Variants in KPNB1 observed in about 807,000 individuals in gnomAD.
KPNB1 encodes the protein karyopherin subunit beta 1.
A neutral mutation model predicts 113.0 loss-of-function variants in KPNB1; 7 were observed. That is an observed-to-expected ratio of 0.06 (90% CI 0.04 to 0.12). KPNB1 has a LOEUF of 0.12. Ranked by LOEUF, KPNB1 falls within the 10% of genes least tolerant of loss-of-function variation. The pLI is 1.00. For missense variants in KPNB1, 400 were observed against 1,054.8 expected (o/e 0.38, Z 8.60); for synonymous variants, 363 against 378.6 (o/e 0.96, Z 0.48).
intron 5 of KPNB1, 90 bp downstream of exon 5, chr17:47,658,750 G>A: frequency 8.8e-7 from 1 of 1,137,360 alleles, no homozygotes; most frequent in Non-Finnish European, 1.3e-6. Flanking sequence ...TTAAGTTTAT[G>A]GTTTAGAAAG....
At position 47,657,070 on chromosome 17, in the gene KPNB1, T is replaced by G. The variant is rs779424643; in HGVS notation, c.483+10T>G. ...TATTTGCCAAGATATAGTAAGTGCTTGCCTAATGTATCTGGTTTATATACC... is the reference window on the plus strand; with the variant it reads ...TATTTGCCAAGATATAGTAAGTGCTGGCCTAATGTATCTGGTTTATATACC... On this transcript the variant is annotated intron_variant, in intron 4 of 21. Coordinates refer to ENST00000290158, the MANE Select transcript of KPNB1 (RefSeq NM_002265.6). 2.5e-6 allele frequency: 4 copies of G among 1,610,220 alleles called. No individual in the cohort carries two copies. Among genetic ancestry groups the G allele is most frequent in the Non-Finnish European group, 3.4e-6 (4 of 1,177,294 alleles).
chr17:47,668,236 G>A lies in KPNB1; in HGVS notation c.1050G>A (p.Val350=). The change falls in exon 10 of 22, where the codon GTG becomes GTA. Residue 350 remains valine, a synonymous_variant. Transcript: ENST00000290158. ...DDWNPCKAAG[V]CLMLLATCCE... ...GGAACCCCTGCAAAGCAGCAGGGGT[G>A]TGCCTCATGCTTCTGGCCACCTGCT... 6.2e-7 allele frequency: 1 copy of A among 1,614,214 alleles called. No individual in the cohort carries two copies.
intron 7 of KPNB1, among the ~76,000 whole-genome samples, 164 bp from the exon 8 acceptor site, chr17:47,663,995 A>G (rs559611643): frequency 3.0e-4 from 46 of 152,108 alleles, no homozygotes; most frequent in African/African-American, 8.9e-4. Context: ...CAAAAAAAAA[A>G]AAAAGAAAAG....
In KPNB1 at chr17:47,650,290, A is replaced by T. The variant is rs1214605146; in HGVS notation, c.40+6A>T. 2 of 1,605,268 alleles carry T rather than the reference A, an allele frequency of 1.2e-6. No homozygotes were observed. Among genetic ancestry groups the T allele is most frequent in the East Asian group, 4.5e-5 (2 of 44,396 alleles). On this transcript the variant is annotated splice_donor_region_variant and intron_variant, in intron 1 of 21. Coordinates refer to ENST00000290158, the MANE Select transcript of KPNB1 (RefSeq NM_002265.6). Reference sequence around the variant, plus strand: ...CGAGAAGACCGTGTCTCCCGGTAGGACGCAGGAGCCGGGGGTAGGGCTGAG... The same window carrying T: ...CGAGAAGACCGTGTCTCCCGGTAGGTCGCAGGAGCCGGGGGTAGGGCTGAG...
At position 47,659,231 on chromosome 17, in the gene KPNB1, C is replaced by T. The variant is rs532924930; in HGVS notation, c.636+571C>T. ...GGGTGTGGTGGCGTGCGCCTGTAAT[C>T]CCAGCTACTCAGGAGGCTGAGGCAG... On this transcript the variant is annotated intron_variant, in intron 5 of 21. Transcript: ENST00000290158. 8.5e-5 allele frequency among the ~76,000 whole-genome samples: 13 copies of T among 152,112 alleles called. No individual in the cohort carries two copies. The East Asian group carries it at 2.3e-3, about 27-fold the overall frequency.
intron 9 of KPNB1, among the ~76,000 whole-genome samples, chr17:47,665,866 A>G (rs568650867): frequency 6.6e-5 from 10 of 152,214 alleles, no homozygotes; most frequent in Non-Finnish European, 1.3e-4. Flanking sequence ...TAGTACTCTG[A>G]CGAAACAATG....
In KPNB1 at chr17:47,684,133, T is replaced by G. The variant is rs2030876003; in HGVS notation, c.*1729T>G. 1 of 152,148 alleles carries G rather than the reference T, an allele frequency of 6.6e-6. No homozygotes were observed. The highest frequency in any genetic ancestry group is 2.4e-5 in the African/African-American group (1 of 41,442). 9.4% of individuals were successfully genotyped at this position (152,148 alleles called of 1,614,324 possible). A position where few individuals can be genotyped will look rare whatever the true frequency, so the allele number is the denominator to read the frequency against. Reference sequence around the variant, plus strand: ...TAAAAACAAGACCCTCATTCCCACTTTCATTTCCACTCTAGCAAAAACTGG... The same window carrying G: ...TAAAAACAAGACCCTCATTCCCACTGTCATTTCCACTCTAGCAAAAACTGG... On this transcript the variant is annotated 3_prime_UTR_variant, in exon 22 of 22. Transcript: ENST00000290158.
In KPNB1 at chr17:47,652,738, A is replaced by C; in HGVS notation, c.144A>C (p.Gly48=). 6.2e-7 allele frequency: 1 copy of C among 1,612,642 alleles called. No individual in the cohort carries two copies. The part of the protein sequence containing the change: ...VELSRVLANP[G]NSQVARVAAG... ...TGTCCAGAGTGCTGGCAAATCCAGG[A>C]AACAGTCAGGTTGCCAGAGTTGCAG... is the stretch of plus-strand genomic sequence containing the variant. Residue 48 remains glycine, a synonymous_variant, in exon 3 of 22, where the codon GGA becomes GGC. Transcript: ENST00000290158.
chr17:47,680,500 T>G lies in KPNB1; in HGVS notation c.2469-8T>G. 1 of 1,613,938 alleles carries G rather than the reference T, an allele frequency of 6.2e-7. No individual in the cohort carries two copies. The highest frequency in any genetic ancestry group is 1.1e-5 in the South Asian group (1 of 91,068). ...GAGCTCATTCTCAGCTGTGTTTGTT[T>G]TGCACAGGGACTTATGTACAGCATT... On this transcript the variant is annotated splice_region_variant and splice_polypyrimidine_tract_variant and intron_variant, in intron 20 of 21. Coordinates refer to ENST00000290158, the MANE Select transcript of KPNB1 (RefSeq NM_002265.6).
At chr17:47,665,963 A>G (rs1044601176) in intron 9 of KPNB1, among the ~76,000 whole-genome samples, 1 of 152,240 alleles carries the variant, frequency 6.6e-6, no homozygotes, top group African/African-American at 2.4e-5. Flanking sequence ...TAGCAGTTTC[A>G]AAAGCTAAGT....
At chr17:47,663,299 C>A in intron 7 of KPNB1, 121 bp downstream of exon 7, 1 of 635,954 alleles carries the variant, frequency 1.6e-6, no homozygotes, top group Non-Finnish European at 2.9e-6. Context: ...GGAAATTCCT[C>A]GAGACTGTTC....
chr17:47,660,942 TCTTTATAGC>T (rs1597926748), intron 5 of KPNB1, among the ~76,000 whole-genome samples, 168 bp from the exon 6 acceptor site: 2 of 152,292 alleles, frequency 1.3e-5, no homozygotes, highest in African/African-American at 4.8e-5. Context: ...GAAGGTAAAC[TCTTTATAGC>T]CTTTATAGTG....
chr17:47,659,610 A>G (rs1251847305), intron 5 of KPNB1, among the ~76,000 whole-genome samples: 1 of 152,226 alleles, frequency 6.6e-6, no homozygotes. Context: ...GTGGAGAAGA[A>G]CAACTGAGTT....
chr17:47,673,452 G>A, intron 13 of KPNB1, 38 bp from the exon 14 acceptor site: 1 of 1,539,432 alleles, frequency 6.5e-7, no homozygotes, highest in Non-Finnish European at 9.0e-7. Context: ...AAAGTGGAAG[G>A]TTTTCATGTA....
intron 13 of KPNB1, 86 bp downstream of exon 13, chr17:47,673,251 T>C (rs1276604695): frequency 1.5e-6 from 2 of 1,295,120 alleles, no homozygotes; most frequent in African/African-American, 3.0e-5. Context: ...TGTTCTGTCT[T>C]TTTAGTGTTT....
At chr17:47,650,767 G>A (rs1567885911) in intron 2 of KPNB1, among the ~76,000 whole-genome samples, 1 of 152,224 alleles carries the variant, frequency 6.6e-6, no homozygotes, top group Non-Finnish European at 1.5e-5. Flanking sequence ...GCGGCGCTGC[G>A]TGTTCAGCAG....
At chr17:47,674,246 AG>A (rs2030531509) in intron 14 of KPNB1, among the ~76,000 whole-genome samples, 1 of 152,198 alleles carries the variant, frequency 6.6e-6, no homozygotes, top group Admixed American at 6.5e-5. Context: ...GGATATAGGA[AG>A]GGTTGCTTTT....
At chr17:47,666,592 A>G (rs2030292887) in intron 9 of KPNB1, among the ~76,000 whole-genome samples, 1 of 143,860 alleles carries the variant, frequency 7.0e-6, no homozygotes, top group African/African-American at 2.5e-5. Context: ...ACTACATATT[A>G]TATATAATTA....
chr17:47,672,663 T>C (rs2030485104), intron 12 of KPNB1, among the ~76,000 whole-genome samples: 2 of 152,190 alleles, frequency 1.3e-5, no homozygotes, highest in Admixed American at 1.3e-4. Context: ...GCTGGGATTA[T>C]AGGCATGAGC....
Sources: allele counts gnomAD v4.1 joint callset (sites outside exome capture counted in the v4.1 genomes callset), GRCh38; gene constraint gnomAD v4.1.1; transcripts MANE v1.5; gene names NCBI Gene and HGNC (gene_info 2026-07-23, HGNC 2026-07-21).